Variants in RORA observed in about 807,000 individuals in gnomAD.
RORA encodes the protein nuclear receptor ROR-alpha.
A neutral mutation model predicts 69.5 loss-of-function variants in RORA; 7 were observed. The ratio of observed to expected loss-of-function variants is 0.10; its 90% confidence interval spans 0.06 to 0.19. The LOEUF (loss-of-function observed/expected upper bound fraction) is 0.19, where lower values mean the gene tolerates loss of function less well. Among genes scored for constraint, RORA ranks in the 10% least tolerant of loss-of-function variants. The pLI is 1.00. For synonymous variants in RORA, 261 were observed against 240.8 expected (o/e 1.08, Z -0.78); for missense variants, 457 against 663.0 (o/e 0.69, Z 3.41).
At chr15:60,980,432 G>GC (rs1402119691) in intron 1 of RORA, among the ~76,000 whole-genome samples, 5 of 152,036 alleles carry the variant, frequency 3.3e-5, no homozygotes, top group African/African-American at 1.2e-4. Flanking sequence ...CTATTTTTTT[G>GC]GAAAGATTTT....
At chr15:60,704,063 T>C (rs1596140376) in intron 1 of RORA, among the ~76,000 whole-genome samples, 1 of 152,236 alleles carries the variant, frequency 6.6e-6, no homozygotes, top group East Asian at 1.9e-4. Context: ...TTACTAAAAC[T>C]GCTTTCAAAA....
rs902467967 is a variant in RORA, at chr15:61,229,278, T to C, written c.-60A>G. On this transcript the variant is annotated 5_prime_UTR_variant, in exon 1 of 11. Transcript: ENST00000335670. The stretch of plus-strand genomic sequence containing the variant: ...GAGCTCCGAGACTCCCTCTATCTTC[T>C]GTTTTCAGAGCAACTCTATGGTACC... 12 of 604,206 alleles carry C rather than the reference T, an allele frequency of 2.0e-5. No homozygotes were observed. The highest frequency in any genetic ancestry group is 2.6e-5 in the African/African-American group (1 of 38,058). The allele number at this position is 604,206 out of a possible 1,614,324, so 37.4% of individuals were successfully genotyped here.
chr15:60,965,345 G>C (rs1435011320), intron 1 of RORA, among the ~76,000 whole-genome samples: 2 of 152,124 alleles, frequency 1.3e-5, no homozygotes, highest in Non-Finnish European at 2.9e-5. Flanking sequence ...CCTCTTCTCA[G>C]TCCTGTTGCT....
chr15:60,998,227 G>A (rs1056191186), intron 1 of RORA, among the ~76,000 whole-genome samples: 3 of 151,944 alleles, frequency 2.0e-5, no homozygotes, highest in Non-Finnish European at 2.9e-5. Context: ...ACAGTGGCCC[G>A]ATCACAGCTC....
intron 1 of RORA, among the ~76,000 whole-genome samples, chr15:60,714,870 G>C (rs190685846): frequency 6.6e-6 from 1 of 152,218 alleles, no homozygotes. Context: ...CAGATTAGAA[G>C]GCCAGAAGAG....
intron 1 of RORA, among the ~76,000 whole-genome samples, chr15:60,872,700 C>A (rs2140437389): frequency 6.6e-6 from 1 of 152,266 alleles, no homozygotes; most frequent in South Asian, 2.1e-4. Context: ...TTAACTAGTT[C>A]TTTCCTATGG....
Position 60,534,935 on chromosome 15 carries a change from A to G in RORA, c.197-3084T>C, listed in dbSNP as rs1273913189. 6.6e-6 allele frequency among the ~76,000 whole-genome samples: 1 copy of G among 152,176 alleles called. No individual in the cohort carries two copies. On this transcript the variant is annotated intron_variant, in intron 2 of 10. Coordinates refer to ENST00000335670, the MANE Select transcript of RORA (RefSeq NM_134261.3). The surrounding 1 kb of genome is among the most constrained non-coding windows in gnomAD (Gnocchi z 5.0). The stretch of plus-strand genomic sequence containing the variant: ...AATCCATGAGAAAAAAATGCAGTCA[A>G]TGCCTTGCAAATTTTTCAAAAGGAG...
At chr15:60,896,732 C>CA (rs1891239350) in intron 1 of RORA, among the ~76,000 whole-genome samples, 1 of 117,170 alleles carries the variant, frequency 8.5e-6, no homozygotes. Context: ...GAGAATTTAG[C>CA]TTTTTTTTTT....
intron 2 of RORA, among the ~76,000 whole-genome samples, chr15:60,562,592 C>T (rs988949455): frequency 6.0e-5 from 9 of 149,674 alleles, no homozygotes; most frequent in African/African-American, 1.0e-4. Context: ...CGTGCTACCA[C>T]GCCCAGCTAA....
chr15:61,030,818 T>C (rs960625277), intron 1 of RORA, among the ~76,000 whole-genome samples: 3 of 152,184 alleles, frequency 2.0e-5, no homozygotes, highest in Admixed American at 6.5e-5. Context: ...CTATACTTTA[T>C]AGTATCTCTT....
At chr15:61,056,698 C>G (rs2078101649) in intron 1 of RORA, among the ~76,000 whole-genome samples, 1 of 152,126 alleles carries the variant, frequency 6.6e-6, no homozygotes, top group South Asian at 2.1e-4. Context: ...AATCTCTATT[C>G]TAGAATAAAG....
At chr15:61,177,910 CGAGATTGCA>C (rs1037502251) in intron 1 of RORA, among the ~76,000 whole-genome samples, 1 of 150,564 alleles carries the variant, frequency 6.6e-6, no homozygotes, top group African/African-American at 2.4e-5. Flanking sequence ...TGCAGTGAGC[CGAGATTGCA>C]CCACTGCACT....
intron 1 of RORA, among the ~76,000 whole-genome samples, chr15:61,082,829 T>G (rs1312909558): frequency 1.3e-5 from 2 of 152,186 alleles, no homozygotes; most frequent in Non-Finnish European, 2.9e-5. Context: ...AGAGAAGAGA[T>G]AAAATACGAA....
At chr15:61,195,100 G>A (rs1202654583) in intron 1 of RORA, among the ~76,000 whole-genome samples, 1 of 151,824 alleles carries the variant, frequency 6.6e-6, no homozygotes, top group African/African-American at 2.4e-5. Context: ...GTATACAGGT[G>A]GATTTACCTT....
chr15:60,627,418 G>A (rs1407696846), intron 2 of RORA: 1 of 1,612,434 alleles, frequency 6.2e-7, no homozygotes, highest in Non-Finnish European at 8.5e-7. Context: ...CTGGGGCTGT[G>A]CTTTGCCCCA....
At chr15:60,941,383 G>C (rs1186533762) in intron 1 of RORA, among the ~76,000 whole-genome samples, 1 of 152,226 alleles carries the variant, frequency 6.6e-6, no homozygotes, top group Non-Finnish European at 1.5e-5. Context: ...TCTTTAATGT[G>C]TTGGCGTCTC....
At chr15:60,769,873 C>T (rs111757626) in intron 1 of RORA, among the ~76,000 whole-genome samples, 1 of 152,174 alleles carries the variant, frequency 6.6e-6, no homozygotes, top group Non-Finnish European at 1.5e-5. Context: ...CTTTCATTTT[C>T]CCTGTGTATG....
chr15:60,927,940 C>T (rs951667216), intron 1 of RORA, among the ~76,000 whole-genome samples: 7 of 152,150 alleles, frequency 4.6e-5, no homozygotes, highest in Non-Finnish European at 8.8e-5. Context: ...GGATTAGAAC[C>T]ACAGTCTTCC....
At chr15:60,891,691 C>T (rs1451381757) in intron 1 of RORA, among the ~76,000 whole-genome samples, 1 of 152,200 alleles carries the variant, frequency 6.6e-6, no homozygotes, top group Non-Finnish European at 1.5e-5. Flanking sequence ...GTCTTTCCAG[C>T]CTCATTTCCT....
Sources: gnomAD v4.1 joint callset for allele counts (sites outside exome capture counted in the v4.1 genomes callset) on GRCh38, gnomAD v4.1.1 for gene constraint, Gnocchi (gnomAD v3.1) non-coding constraint, MANE v1.5 for transcripts, NCBI Gene and HGNC (gene_info 2026-07-23, HGNC 2026-07-21) for gene names.